The following PDE4D variants were observed in gnomAD, a reference collection of about 807,000 sequenced individuals.
The protein encoded by PDE4D is 3',5'-cyclic-AMP phosphodiesterase 4D.
A neutral mutation model predicts 87.4 loss-of-function variants in PDE4D; 24 were observed. The observed-to-expected ratio is 0.27, with a 90% CI of 0.20 to 0.39. PDE4D has a LOEUF of 0.39. Ranked by LOEUF, PDE4D falls within the 10% of genes least tolerant of loss-of-function variation. The pLI, the probability that PDE4D is intolerant of heterozygous loss-of-function variation, is 1.00. For missense variants in PDE4D, 714 were observed against 1,041.0 expected (o/e 0.69, Z 4.32); for synonymous variants, 384 against 383.2 (o/e 1.00, Z -0.02).
chr5:59,737,742 T>C (rs529869613), intron 1 of PDE4D, among the ~76,000 whole-genome samples: 20 of 152,236 alleles, frequency 1.3e-4, no homozygotes, highest in South Asian at 8.3e-4. Flanking sequence ...ATTGACCCAA[T>C]GTTTAAATCA....
chr5:60,281,080 T>C (rs7711108), intron 1 of PDE4D, among the ~76,000 whole-genome samples: 5,681 of 152,262 alleles, frequency 0.037, 262 homozygotes, highest in African/African-American at 0.11. Flanking sequence ...GAAAAAGAGA[T>C]ACATACAAGG....
chr5:59,113,106 ACCTTCCCTCACTT>A (rs1772970685), intron 5 of PDE4D, among the ~76,000 whole-genome samples: 1 of 151,138 alleles, frequency 6.6e-6, no homozygotes, highest in African/African-American at 2.4e-5. Context: ...TCTTCCTTCC[ACCTTCCCTCACTT>A]CCTTCTTTCC....
chr5:59,702,987 A>G (rs776242979), intron 1 of PDE4D, among the ~76,000 whole-genome samples: 16 of 152,148 alleles, frequency 1.1e-4, no homozygotes, highest in South Asian at 2.1e-4. Flanking sequence ...CAAAGGGAAC[A>G]TAATCTCTTA....
intron 1 of PDE4D, among the ~76,000 whole-genome samples, chr5:59,218,291 G>A (rs1229660079): frequency 6.6e-6 from 1 of 152,118 alleles, no homozygotes; most frequent in East Asian, 1.9e-4. Flanking sequence ...AAGAGATACA[G>A]AAGTGTGAGT....
intron 1 of PDE4D, among the ~76,000 whole-genome samples, chr5:59,818,836 G>T (rs1246817128): frequency 6.7e-6 from 1 of 148,602 alleles, no homozygotes; most frequent in African/African-American, 2.5e-5. Context: ...TTTTCCTCTA[G>T]TTTCCCTGGG....
chr5:60,332,794 T>TAA (rs149360599), intron 1 of PDE4D, among the ~76,000 whole-genome samples: 2 of 151,934 alleles, frequency 1.3e-5, no homozygotes, highest in African/African-American at 4.8e-5. Flanking sequence ...TGAGTCATTT[T>TAA]AAAAAAAAGA....
intron 2 of PDE4D, among the ~76,000 whole-genome samples, chr5:60,057,847 A>T (rs1770948024): frequency 6.6e-6 from 1 of 152,028 alleles, no homozygotes; most frequent in Non-Finnish European, 1.5e-5. Context: ...ACAACATAGC[A>T]TTACAACTGA....
chr5:59,818,335 G>T (rs1769236022), intron 1 of PDE4D, among the ~76,000 whole-genome samples: 1 of 152,172 alleles, frequency 6.6e-6, no homozygotes, highest in African/African-American at 2.4e-5. Context: ...TTGTTGGGAG[G>T]TTTAAATGAG....
intron 1 of PDE4D, among the ~76,000 whole-genome samples, chr5:60,239,210 A>T (rs1746787551): frequency 6.6e-6 from 1 of 152,130 alleles, no homozygotes; most frequent in South Asian, 2.1e-4. Context: ...TATATCTCCT[A>T]GCATCATTTA....
intron 1 of PDE4D, among the ~76,000 whole-genome samples, chr5:60,300,773 T>C (rs552581902): frequency 1.1e-4 from 17 of 152,092 alleles, no homozygotes; most frequent in African/African-American, 3.9e-4. Flanking sequence ...TGTTCTTTTT[T>C]TTTTTCTTTT....
At chr5:59,560,397 C>T (rs779334486) in intron 1 of PDE4D, among the ~76,000 whole-genome samples, 3 of 152,070 alleles carry the variant, frequency 2.0e-5, no homozygotes, top group Non-Finnish European at 4.4e-5. Context: ...ACAAAAAAAA[C>T]CCATTCATTC....
intron 2 of PDE4D, among the ~76,000 whole-genome samples, chr5:59,195,980 AC>A: frequency 6.6e-6 from 1 of 152,290 alleles, no homozygotes; most frequent in East Asian, 1.9e-4. Flanking sequence ...AAGCAGGGAG[AC>A]CAGTGTAGAG....
At chr5:59,889,945 T>C (rs1204067249) in intron 1 of PDE4D, among the ~76,000 whole-genome samples, 2 of 152,176 alleles carry the variant, frequency 1.3e-5, no homozygotes, top group Non-Finnish European at 2.9e-5. Context: ...AAATTTCCCA[T>C]GGACTTAAAA....
intron 2 of PDE4D, among the ~76,000 whole-genome samples, chr5:60,146,734 C>T (rs750763770): frequency 5.3e-5 from 8 of 152,074 alleles, no homozygotes; most frequent in Admixed American, 1.3e-4. Flanking sequence ...TATGAATATT[C>T]GCACCTGATA....
intron 2 of PDE4D, among the ~76,000 whole-genome samples, chr5:60,092,366 T>C (rs986951036): frequency 2.0e-5 from 3 of 152,078 alleles, no homozygotes; most frequent in Non-Finnish European, 4.4e-5. Flanking sequence ...GAATAAGTTA[T>C]AGTGTTTGAT....
intron 1 of PDE4D, among the ~76,000 whole-genome samples, chr5:59,524,610 G>C (rs186318027): frequency 6.6e-6 from 1 of 152,330 alleles, no homozygotes; most frequent in Non-Finnish European, 1.5e-5. Flanking sequence ...TAAGTAATGA[G>C]ATGCCAAATG....
At chr5:59,317,444 T>A (rs1197245675) in intron 1 of PDE4D, among the ~76,000 whole-genome samples, 1 of 152,090 alleles carries the variant, frequency 6.6e-6, no homozygotes, top group African/African-American at 2.4e-5. Flanking sequence ...CCAGCAGGCT[T>A]CCCTAACTGC....
intron 1 of PDE4D, among the ~76,000 whole-genome samples, chr5:59,590,008 T>G (rs904841969): frequency 6.6e-6 from 1 of 152,064 alleles, no homozygotes; most frequent in Non-Finnish European, 1.5e-5. Flanking sequence ...AAGAAAAAAC[T>G]GTAATTTATT....
chr5:59,642,017 T>C (rs1741668348), intron 1 of PDE4D, among the ~76,000 whole-genome samples: 1 of 152,116 alleles, frequency 6.6e-6, no homozygotes, highest in South Asian at 2.1e-4. Context: ...TAATGGTTCA[T>C]TCTTATAAAG....
Sources: allele counts gnomAD v4.1 joint callset (sites outside exome capture counted in the v4.1 genomes callset), GRCh38; gene constraint gnomAD v4.1.1; transcripts MANE v1.5; gene names NCBI Gene and HGNC (gene_info 2026-07-23, HGNC 2026-07-21).